The following MAP2K3 variants were observed in gnomAD, a reference collection of about 807,000 sequenced individuals.
MAP2K3 encodes the protein dual specificity mitogen-activated protein kinase kinase 3.
Under a neutral mutation model 46.4 loss-of-function variants are expected in MAP2K3, and 30 were observed. The ratio of observed to expected loss-of-function variants is 0.65; its 90% CI spans 0.48 to 0.88. The LOEUF is 0.88. Among genes scored for constraint, MAP2K3 ranks in the 40% least tolerant of loss-of-function variants. MAP2K3 has a pLI of 0.00. For synonymous variants in MAP2K3, 189 were observed against 176.3 expected, an observed-to-expected ratio of 1.07 and a Z score of -0.57; for missense variants, 380 against 464.5, an observed-to-expected ratio of 0.82 and a Z score of 1.67.
At chr17:21,295,106 C>T (rs1432584528) in intron 1 of MAP2K3, among the ~76,000 whole-genome samples, 2 of 152,312 alleles carry the variant, frequency 1.3e-5, no homozygotes, top group African/African-American at 4.8e-5. Context: ...CTAGGACAGT[C>T]ACAGGGAAGA....
At chr17:21,295,852 G>T in intron 1 of MAP2K3, 1 of 1,288,564 alleles carries the variant, frequency 7.8e-7, no homozygotes, top group Non-Finnish European at 1.0e-6. Flanking sequence ...GTGGCAGGCT[G>T]GGGCCAGAGG....
chr17:21,314,820 A>C lies in MAP2K3; in HGVS notation c.*590A>C, dbSNP rs1977329996. 1 of 152,900 alleles carries C rather than the reference A, an allele frequency of 6.5e-6. No homozygotes were observed. 9.5% of individuals were successfully genotyped at this position (152,900 alleles called of 1,614,324 possible). ...CTCTGCGGAGCACACTGGCTCACCCAGTCCTGCCCGCCACCGTTATCGGTG... is the reference window on the plus strand; with the variant it reads ...CTCTGCGGAGCACACTGGCTCACCCCGTCCTGCCCGCCACCGTTATCGGTG... On this transcript the variant is annotated 3_prime_UTR_variant, in exon 12 of 12. Transcript: ENST00000342679.
At chr17:21,312,353 T>G in intron 10 of MAP2K3, 72 bp downstream of exon 10, 1 of 1,440,992 alleles carries the variant, frequency 6.9e-7, no homozygotes, top group Non-Finnish European at 9.2e-7. Flanking sequence ...TCCTGGGCCC[T>G]GTTCCTTTAT....
In MAP2K3 at chr17:21,314,482, C is replaced by G. The variant is rs1977315585; in HGVS notation, c.*252C>G. ...TCCCTGCTGCTCCTAGGACCCGTCT[C>G]CAGCTGCTGAGATCCTGGACTGAGG... On this transcript the variant is annotated 3_prime_UTR_variant, in exon 12 of 12. Coordinates refer to ENST00000342679, the MANE Select transcript of MAP2K3 (RefSeq NM_145109.3). 1 of 530,204 alleles carries G rather than the reference C, an allele frequency of 1.9e-6. No homozygotes were observed. Among genetic ancestry groups the G allele is most frequent in the Non-Finnish European group, 3.4e-6 (1 of 293,052 alleles). The allele number at this position is 530,204 out of a possible 1,614,324, so 32.8% of individuals were successfully genotyped here. A position where few individuals can be genotyped will look rare whatever the true frequency, so the allele number is the denominator to read the frequency against.
chr17:21,311,608 CTGTGTGTGTGTGTG>C (rs34983762), intron 9 of MAP2K3: 1,444 of 143,746 alleles, frequency 0.01, 14 homozygotes, highest in Non-Finnish European at 0.014. Flanking sequence ...TTGGAGACAG[CTGTGTGTGTGTGTG>C]TGTGTGTGTG....
intron 1 of MAP2K3, chr17:21,295,984 CAG>C: frequency 7.9e-7 from 1 of 1,264,786 alleles, no homozygotes; most frequent in Non-Finnish European, 1.0e-6. Flanking sequence ...TAATTTTTAA[CAG>C]AAAATATTTT....
chr17:21,309,447 A>G (rs1379556592), intron 9 of MAP2K3, among the ~76,000 whole-genome samples: 1 of 152,188 alleles, frequency 6.6e-6, no homozygotes, highest in African/African-American at 2.4e-5. Flanking sequence ...TAACATAAAA[A>G]TAGAGGCACA....
rs1977312815 is a variant in MAP2K3 at position 21,314,428 on chromosome 17, C to G, written c.*198C>G. On this transcript the variant is annotated 3_prime_UTR_variant, in exon 12 of 12. Coordinates refer to ENST00000342679, the MANE Select transcript of MAP2K3 (RefSeq NM_145109.3). ...GAAGCAGACCATTGGGGCTCCCAGC[C>G]AGGCCCTTGTCGGCCCCACCAGTGC... is the stretch of plus-strand genomic sequence containing the variant. 8.8e-5 allele frequency: 52 copies of G among 592,228 alleles called. No individual in the cohort carries two copies. Among genetic ancestry groups the G allele is most frequent in the Non-Finnish European group, 3.0e-6 (1 of 331,200 alleles). 36.7% of individuals were successfully genotyped at this position (592,228 alleles called of 1,614,324 possible). A position where few individuals can be genotyped will look rare whatever the true frequency, so the allele number is the denominator to read the frequency against.
At chr17:21,293,670 G>A (rs1158454375) in intron 1 of MAP2K3, among the ~76,000 whole-genome samples, 3 of 152,260 alleles carry the variant, frequency 2.0e-5, no homozygotes, top group Non-Finnish European at 2.9e-5. Flanking sequence ...AGGTGGCCTT[G>A]CACAGCCGGG....
In MAP2K3 at chr17:21,314,365, C is replaced by T; in HGVS notation, c.*135C>T. On this transcript the variant is annotated 3_prime_UTR_variant, in exon 12 of 12. Coordinates refer to ENST00000342679, the MANE Select transcript of MAP2K3 (RefSeq NM_145109.3). Reference sequence around the variant, plus strand: ...GGAGGAACCGAGGGGGCTGCTCCCACCTGGCTCTGTGGCGAGCCATTTGTC... The same window carrying T: ...GGAGGAACCGAGGGGGCTGCTCCCATCTGGCTCTGTGGCGAGCCATTTGTC... 2.5e-6 allele frequency: 2 copies of T among 797,836 alleles called. No homozygotes were observed. The highest frequency in any genetic ancestry group is 2.5e-5 in the East Asian group (1 of 39,984). 49.4% of individuals were successfully genotyped at this position (797,836 alleles called of 1,614,324 possible).
rs1292026032 is a variant in MAP2K3, at chr17:21,315,016, G to A, written c.*786G>A. 6.5e-6 allele frequency: 1 copy of A among 152,690 alleles called. No homozygotes were observed. Among genetic ancestry groups the A allele is most frequent in the Non-Finnish European group, 1.5e-5 (1 of 68,102 alleles). 9.5% of individuals were successfully genotyped at this position (152,690 alleles called of 1,614,324 possible). The stretch of plus-strand genomic sequence containing the variant: ...TGCTCAGGCTGGGGTCCAGTGGGAG[G>A]GGCCCAAGATCTCTGCTCAGAGAAG... On this transcript the variant is annotated 3_prime_UTR_variant, in exon 12 of 12. Transcript: ENST00000342679.
intron 6 of MAP2K3, among the ~76,000 whole-genome samples, chr17:21,302,861 C>T (rs887106056): frequency 1.3e-5 from 2 of 152,310 alleles, no homozygotes; most frequent in Non-Finnish European, 2.9e-5. Context: ...GGCTCTGCCA[C>T]GGGAGGGGAG....
chr17:21,305,012 C>T lies in MAP2K3; in HGVS notation c.697-39C>T, dbSNP rs532675736. ...GCAAGGCCTAGCCATGGGGGCTTACCTGGGGCGGGTGTTCACGCCTCACTC... is the reference window on the plus strand; with the variant it reads ...GCAAGGCCTAGCCATGGGGGCTTACTTGGGGCGGGTGTTCACGCCTCACTC... On this transcript the variant is annotated intron_variant, in intron 8 of 11. Transcript: ENST00000342679. The T allele has an allele frequency of 5.6e-5, 90 of 1,613,812 alleles. No homozygotes were observed. The South Asian group carries it at 9.4e-4, about 17-fold the overall frequency.
chr17:21,313,506 C>G lies in MAP2K3; in HGVS notation c.929C>G (p.Pro310Arg). Reference sequence around the variant, plus strand: ...TTCTCTCCTAGCCTGAGGAAGAACCCCGCAGAGCGTATGAGCTACCTGGAG... The same window carrying G: ...TTCTCTCCTAGCCTGAGGAAGAACCGCGCAGAGCGTATGAGCTACCTGGAG... ...DFTAQCLRKN[P>R]AERMSYLELM... The change falls in exon 11 of 12, where the codon CCC (proline) becomes CGC (arginine). Residue 310 changes from proline (P) to arginine (R), a missense_variant. This residue lies in a region of MAP2K3 where 63 missense variants were observed against 81.6 expected (regional missense o/e 0.77). Coordinates refer to ENST00000342679, the MANE Select transcript of MAP2K3 (RefSeq NM_145109.3). 6.2e-7 allele frequency: 1 copy of G among 1,613,072 alleles called. No individual in the cohort carries two copies. The highest frequency in any genetic ancestry group is 8.5e-7 in the Non-Finnish European group (1 of 1,179,872).
At chr17:21,302,377 T>C in intron 6 of MAP2K3, 118 bp downstream of exon 6, 1 of 1,166,266 alleles carries the variant, frequency 8.6e-7, no homozygotes, top group Non-Finnish European at 1.3e-6. Context: ...GGCATCAATG[T>C]GCCCCCTGAA....
intron 1 of MAP2K3, chr17:21,288,108 TG>T (rs1355303179): frequency 1.6e-6 from 2 of 1,288,874 alleles, no homozygotes; most frequent in African/African-American, 1.5e-5. Context: ...CAGCGGGCAC[TG>T]GGTGCTGACT....
chr17:21,295,286 C>A (rs899434151), intron 1 of MAP2K3, among the ~76,000 whole-genome samples: 1 of 152,308 alleles, frequency 6.6e-6, no homozygotes, highest in Non-Finnish European at 1.5e-5. Flanking sequence ...TCTGGGGGTG[C>A]CTCTCTTTAC....
intron 1 of MAP2K3, among the ~76,000 whole-genome samples, chr17:21,290,137 G>C (rs1242418620): frequency 6.6e-6 from 1 of 152,260 alleles, no homozygotes; most frequent in Non-Finnish European, 1.5e-5. Context: ...AGGCCAGGGG[G>C]CTGCCTCACT....
At position 21,284,905 on chromosome 17, in the gene MAP2K3, A is replaced by G; in HGVS notation, c.-16A>G. ...TCTAGATTAGTCTCCACCGCCGTCCAGGACCCACTTGCAGCATGGAGTCGC... is the reference window on the plus strand; with the variant it reads ...TCTAGATTAGTCTCCACCGCCGTCCGGGACCCACTTGCAGCATGGAGTCGC... On this transcript the variant is annotated 5_prime_UTR_variant, in exon 1 of 12. Transcript: ENST00000342679. The G allele has an allele frequency of 6.2e-7, 1 of 1,612,080 alleles. No homozygotes were observed. Among genetic ancestry groups the G allele is most frequent in the East Asian group, 2.2e-5 (1 of 44,838 alleles).
Sources: gnomAD v4.1 joint callset for allele counts (sites outside exome capture counted in the v4.1 genomes callset) on GRCh38, gnomAD v4.1.1 for gene constraint, gnomAD v4.1.1 regional missense constraint, MANE v1.5 for transcripts, NCBI Gene and HGNC (gene_info 2026-07-23, HGNC 2026-07-21) for gene names.